Variants in HHIP observed in about 807,000 individuals in gnomAD.
HHIP encodes the protein hedgehog interacting protein.
HHIP carries 12 observed loss-of-function variants against 74.0 expected under a neutral mutation model. The ratio of observed to expected loss-of-function variants is 0.16; its 90% CI spans 0.10 to 0.26. The LOEUF (loss-of-function observed/expected upper bound fraction) is 0.26. Ranked by LOEUF, HHIP falls within the 10% of genes least tolerant of loss-of-function variation. The probability of loss-of-function intolerance (pLI) is 1.00; values close to 1 mark genes in which losing one functional copy is unlikely to be tolerated. For missense variants in HHIP, 788 were observed against 845.0 expected (o/e 0.93, Z 0.84); for synonymous variants, 309 against 311.6 (o/e 0.99, Z 0.09).
intron 4 of HHIP, among the ~76,000 whole-genome samples, chr4:144,701,478 C>T (rs988792257): frequency 5.9e-5 from 9 of 152,076 alleles, no homozygotes; most frequent in Admixed American, 3.9e-4. Flanking sequence ...ATTGTTCATC[C>T]TCCTCAAAAA....
intron 1 of HHIP, among the ~76,000 whole-genome samples, chr4:144,651,449 A>T (rs7676399): frequency 0.36 from 54,135 of 151,726 alleles, 10,964 homozygotes; most frequent in South Asian, 0.52. Context: ...ATCCCAAAAA[A>T]CAGAAGCCAT....
rs1035589467 is a variant in HHIP at position 144,654,319 on chromosome 4, T to C, written c.472+1522T>C. Among the ~76,000 whole-genome samples, 6 of 152,320 alleles carry C rather than the reference T, an allele frequency of 3.9e-5. No homozygotes were observed. In the South Asian group the frequency reaches 1.2e-3, roughly 32 times the overall value. ...GTGACGAATGACAAATTTATTTTTC[T>C]ACAAAGTTTGTATATATGTAAAACT... On this transcript the variant is annotated intron_variant, in intron 2 of 12. Coordinates refer to ENST00000296575, the MANE Select transcript of HHIP (RefSeq NM_022475.3).
rs1477798608 is a variant in HHIP at position 144,715,521 on chromosome 4, A to T, written c.1678+91A>T. On this transcript the variant is annotated intron_variant, in intron 10 of 12. Coordinates refer to ENST00000296575, the MANE Select transcript of HHIP (RefSeq NM_022475.3). ...CCTGAAGAATAAATACAGCAATCTT[A>T]TCCTCTACTTGTTGGAAATGTAATC... 4.1e-6 allele frequency: 5 copies of T among 1,226,962 alleles called. No individual in the cohort carries two copies. The African/African-American group carries it at 7.5e-5, about 18-fold the overall frequency. 76.0% of individuals were successfully genotyped at this position (1,226,962 alleles called of 1,614,324 possible). A position where few individuals can be genotyped will look rare whatever the true frequency, so the allele number is the denominator to read the frequency against.
At chr4:144,695,366 T>G (rs1045348283) in intron 4 of HHIP, among the ~76,000 whole-genome samples, 8 of 151,994 alleles carry the variant, frequency 5.3e-5, no homozygotes, top group African/African-American at 1.4e-4. Flanking sequence ...TAGTTTATAA[T>G]TGAATATCCA....
intron 1 of HHIP, chr4:144,647,237 T>G: frequency 2.7e-6 from 1 of 375,188 alleles, no homozygotes; most frequent in Non-Finnish European, 4.8e-6. Flanking sequence ...GGTAAATATT[T>G]TAAAAGAATC....
At chr4:144,700,904 C>T (rs1729962304) in intron 4 of HHIP, among the ~76,000 whole-genome samples, 1 of 152,150 alleles carries the variant, frequency 6.6e-6, no homozygotes, top group African/African-American at 2.4e-5. Context: ...ACTAACAGTT[C>T]TCAAACAAAC....
chr4:144,736,205 G>A (rs950502730), intron 12 of HHIP, among the ~76,000 whole-genome samples: 1 of 141,470 alleles, frequency 7.1e-6, no homozygotes, highest in African/African-American at 2.6e-5. Context: ...AGGCAATCTC[G>A]GCTCACCACA....
intron 1 of HHIP, among the ~76,000 whole-genome samples, chr4:144,647,959 G>C (rs1041661789): frequency 1.3e-5 from 2 of 151,162 alleles, no homozygotes; most frequent in Non-Finnish European, 2.9e-5. Context: ...TGGAAAACTT[G>C]TGCTTCAGTC....
rs566191743 is a variant in HHIP at position 144,651,530 on chromosome 4, A to G, written c.280-1075A>G. ...TTAAAACAGTGCTCTAGAATTTAAA[A>G]TGCTAATTTTGGTTGACAGTTCTAA... On this transcript the variant is annotated intron_variant, in intron 1 of 12. Coordinates refer to ENST00000296575, the MANE Select transcript of HHIP (RefSeq NM_022475.3). 2.5e-3 allele frequency among the ~76,000 whole-genome samples: 378 copies of G among 152,156 alleles called. 1 individual carries two copies. Among genetic ancestry groups the G allele is most frequent in the Non-Finnish European group, 4.8e-3 (323 of 67,882 alleles).
intron 7 of HHIP, among the ~76,000 whole-genome samples, chr4:144,709,689 C>T (rs1730236189): frequency 6.6e-6 from 1 of 152,144 alleles, no homozygotes; most frequent in South Asian, 2.1e-4. Flanking sequence ...GGGTGCTGAA[C>T]TAAGTATCTT....
rs114199023 is a variant in HHIP, at chr4:144,671,703, T to G, written c.831+11865T>G. Reference sequence around the variant, plus strand: ...TATGAAGTCAAAGGACTAGGCTAAATAATACCTTGGGTCAGCCACGCCTGT... The same window carrying G: ...TATGAAGTCAAAGGACTAGGCTAAAGAATACCTTGGGTCAGCCACGCCTGT... On this transcript the variant is annotated intron_variant, in intron 4 of 12. Transcript: ENST00000296575. Among the ~76,000 whole-genome samples, 819 of 152,136 alleles carry G rather than the reference T, an allele frequency of 5.4e-3. 8 individuals are homozygous for G. Among genetic ancestry groups the G allele is most frequent in the African/African-American group, 0.019 (799 of 41,526 alleles).
intron 11 of HHIP, among the ~76,000 whole-genome samples, chr4:144,727,825 A>G (rs948826218): frequency 1.2e-4 from 19 of 152,240 alleles, no homozygotes; most frequent in African/African-American, 4.3e-4. Context: ...GTATAGTGAG[A>G]TTAATAGGAC....
chr4:144,702,678 G>GT lies in HHIP; in HGVS notation c.832-3840dup, dbSNP rs530192528. ...TGGATGAGGTTCAAGTCAGTAAGTT[G>GT]TTTTTTTTTTTTTAAAGCATTACCA... On this transcript the variant is annotated intron_variant, in intron 4 of 12. Coordinates refer to ENST00000296575, the MANE Select transcript of HHIP (RefSeq NM_022475.3). 1.6e-3 allele frequency among the ~76,000 whole-genome samples: 228 copies of GT among 141,926 alleles called. 1 individual carries two copies. The highest frequency in any genetic ancestry group is 3.7e-3 in the East Asian group (18 of 4,870). 93.1% of individuals were successfully genotyped at this position (141,926 alleles called of 152,430 possible).
At chr4:144,707,304 G>A (rs767574761) in intron 6 of HHIP, 44 bp downstream of exon 6, 2 of 1,477,732 alleles carry the variant, frequency 1.4e-6, no homozygotes, top group Non-Finnish European at 1.8e-6. Context: ...GGTTAAAATA[G>A]TTTAAGTGCC....
At chr4:144,664,597 T>G (rs1448984549) in intron 4 of HHIP, among the ~76,000 whole-genome samples, 1 of 152,276 alleles carries the variant, frequency 6.6e-6, no homozygotes, top group East Asian at 1.9e-4. Flanking sequence ...TTTTCAAAAG[T>G]AGTATTGGTA....
chr4:144,696,096 A>G (rs552308114), intron 4 of HHIP, among the ~76,000 whole-genome samples: 1 of 152,118 alleles, frequency 6.6e-6, no homozygotes, highest in South Asian at 2.1e-4. Flanking sequence ...TCTGTGCACT[A>G]TAATAGTTAT....
chr4:144,738,092 A>T lies in HHIP; in HGVS notation c.*135A>T. 1 of 1,357,140 alleles carries T rather than the reference A, an allele frequency of 7.4e-7. No individual in the cohort carries two copies. The allele number at this position is 1,357,140 out of a possible 1,614,324, so 84.1% of individuals were successfully genotyped here. ...TTATTAATTTAAAAATAATTTCCAG[A>T]AATGTGCAGATCCTCTGTGTGTATG... On this transcript the variant is annotated 3_prime_UTR_variant, in exon 13 of 13. Coordinates refer to ENST00000296575, the MANE Select transcript of HHIP (RefSeq NM_022475.3).
intron 11 of HHIP, among the ~76,000 whole-genome samples, chr4:144,730,883 T>C (rs1730936739): frequency 6.6e-6 from 1 of 152,180 alleles, no homozygotes; most frequent in South Asian, 2.1e-4. Flanking sequence ...TGTCAGACGT[T>C]ACCAAATATT....
At chr4:144,701,835 TA>T (rs1729992701) in intron 4 of HHIP, among the ~76,000 whole-genome samples, 1 of 152,204 alleles carries the variant, frequency 6.6e-6, no homozygotes, top group Non-Finnish European at 1.5e-5. Context: ...TTATGTTTCC[TA>T]AAATGTACAA....
Sources: gnomAD v4.1 joint callset for allele counts (sites outside exome capture counted in the v4.1 genomes callset) on GRCh38, gnomAD v4.1.1 for gene constraint, MANE v1.5 for transcripts, NCBI Gene and HGNC (gene_info 2026-07-23, HGNC 2026-07-21) for gene names.